SPATA13: variants seen among roughly 807,000 people sequenced by gnomAD.
SPATA13 encodes spermatogenesis associated 13, also known as spermatogenesis-associated protein 13.
Under a neutral mutation model 104.0 loss-of-function variants are expected in SPATA13, and 50 were observed. That is an observed-to-expected ratio of 0.48 (90% CI 0.38 to 0.61). The LOEUF (loss-of-function observed/expected upper bound fraction) is 0.61, where lower values mean the gene tolerates loss of function less well. Among genes scored for constraint, SPATA13 ranks in the 20% least tolerant of loss-of-function variants. The probability of loss-of-function intolerance (pLI) is 0.00; values close to 1 mark genes in which losing one functional copy is unlikely to be tolerated. For missense variants in SPATA13, 1,524 were observed against 1,690.6 expected (o/e 0.90, Z 1.73); for synonymous variants, 606 against 667.5 (o/e 0.91, Z 1.42).
At chr13:24,003,218 A>G (rs9551034) in intron 2 of SPATA13, among the ~76,000 whole-genome samples, 23,941 of 152,152 alleles carry the variant, frequency 0.16, 2,564 homozygotes, top group East Asian at 0.51. Context: ...TATAGATAGA[A>G]AGGGGAGTGC....
intron 3 of SPATA13, among the ~76,000 whole-genome samples, chr13:24,099,702 C>T (rs768343170): frequency 3.3e-5 from 5 of 152,180 alleles, no homozygotes; most frequent in Non-Finnish European, 7.3e-5. Flanking sequence ...AGAGGATGAG[C>T]GCCATGTGAT....
chr13:24,057,061 T>C (rs1043160836), intron 3 of SPATA13, among the ~76,000 whole-genome samples: 37 of 151,114 alleles, frequency 2.4e-4, no homozygotes, highest in Non-Finnish European at 5.0e-4. Flanking sequence ...CTCTTTCTTT[T>C]TTTTTTTTCT....
At chr13:24,083,045 AGAAAT>A (rs1879594060) in intron 3 of SPATA13, among the ~76,000 whole-genome samples, 1 of 152,228 alleles carries the variant, frequency 6.6e-6, no homozygotes, top group African/African-American at 2.4e-5. Context: ...ATGCTGGACT[AGAAAT>A]GATAGCCTAC....
At chr13:24,016,889 G>A (rs1041495599) in intron 2 of SPATA13, among the ~76,000 whole-genome samples, 40 of 152,340 alleles carry the variant, frequency 2.6e-4, no homozygotes, top group African/African-American at 9.6e-4. Context: ...CGCTGCCCCC[G>A]CCCAGGCTCA....
At chr13:24,072,141 C>G (rs971860559) in intron 3 of SPATA13, among the ~76,000 whole-genome samples, 2 of 152,212 alleles carry the variant, frequency 1.3e-5, no homozygotes, top group Non-Finnish European at 2.9e-5. Flanking sequence ...AAGCTGTTCT[C>G]TCTCAAAGGC....
intron 2 of SPATA13, among the ~76,000 whole-genome samples, chr13:24,249,129 C>T (rs1388625711): frequency 6.6e-6 from 1 of 152,208 alleles, no homozygotes; most frequent in African/African-American, 2.4e-5. Context: ...CTCGGCCTCC[C>T]AGAGTGCTAG....
chr13:24,178,509 T>C (rs569327558), intron 1 of SPATA13, among the ~76,000 whole-genome samples: 1 of 152,320 alleles, frequency 6.6e-6, no homozygotes, highest in Admixed American at 6.5e-5. Flanking sequence ...AGTATAGTTA[T>C]TTACAGTAGT....
At chr13:24,293,862 A>T (rs2138757561) in intron 9 of SPATA13, among the ~76,000 whole-genome samples, 1 of 152,298 alleles carries the variant, frequency 6.6e-6, no homozygotes, top group African/African-American at 2.4e-5. Flanking sequence ...TAGACAATAG[A>T]ATCTGCTTTC....
chr13:24,291,861 A>C (rs1196153359), intron 9 of SPATA13, among the ~76,000 whole-genome samples: 1 of 149,048 alleles, frequency 6.7e-6, no homozygotes, highest in Admixed American at 6.7e-5. Context: ...GGTTCACGCC[A>C]TTCTCCTGCC....
intron 3 of SPATA13, among the ~76,000 whole-genome samples, chr13:24,097,282 C>A (rs1880115601): frequency 6.6e-6 from 1 of 152,130 alleles, no homozygotes; most frequent in African/African-American, 2.4e-5. Context: ...TCTCAGTCAG[C>A]CTGTGGGCTG....
intron 1 of SPATA13, among the ~76,000 whole-genome samples, chr13:24,218,303 T>A (rs953137561): frequency 3.3e-5 from 5 of 151,718 alleles, no homozygotes; most frequent in African/African-American, 1.2e-4. Context: ...TGCAGTAGAG[T>A]CGCTTAGACC....
At chr13:24,118,896 T>TTTTTCTTTTC (rs766240064) in intron 3 of SPATA13, among the ~76,000 whole-genome samples, 131 of 143,426 alleles carry the variant, frequency 9.1e-4, no homozygotes, top group Middle Eastern at 3.5e-3. Context: ...AGACGCTACA[T>TTTTTCTTTTC]TTTTCTTTTC....
rs201000938 is a variant in SPATA13 at position 24,275,099 on chromosome 13, A to T, written c.2165-9036A>T. Among the ~76,000 whole-genome samples the T allele has an allele frequency of 3.3e-4, 50 of 152,186 alleles. No individual in the cohort carries two copies. In the East Asian group the frequency reaches 9.5e-3, roughly 29 times the overall value. On this transcript the variant is annotated intron_variant, in intron 4 of 12. Coordinates refer to ENST00000382108, the MANE Select transcript of SPATA13 (RefSeq NM_001166271.3). ...GTATTTGTAACAATCCTTCCAATTT[A>T]AAAAAATGACACCTCCTCTATGGCT...
At chr13:24,003,893 A>C (rs8000800) in intron 2 of SPATA13, among the ~76,000 whole-genome samples, 72,905 of 151,862 alleles carry the variant, frequency 0.48, 17,852 homozygotes, top group East Asian at 0.7. Context: ...AGAACCCATT[A>C]AACAAGAACC....
Position 24,088,143 on chromosome 13 carries a change from T to C in SPATA13, c.-112+70442T>C, listed in dbSNP as rs766227687. Among the ~76,000 whole-genome samples, 10 of 152,164 alleles carry C rather than the reference T, an allele frequency of 6.6e-5. No homozygotes were observed. The highest frequency in any genetic ancestry group is 1.3e-4 in the Non-Finnish European group (9 of 68,022). ...GTGGTCCTCACTCATTAAACGATGG[T>C]GGACTGTCATATGAAAACTTGGGCT... On this transcript the variant is annotated intron_variant, in intron 3 of 14. Transcript: ENST00000424834. This position sits in a 1 kb window ranked among gnomAD's most constrained non-coding sequence, Gnocchi z 4.3.
chr13:24,098,619 A>AAAAGAAAG (rs71070653), intron 3 of SPATA13, among the ~76,000 whole-genome samples: 43 of 147,204 alleles, frequency 2.9e-4, no homozygotes, highest in African/African-American at 7.9e-4. Flanking sequence ...GAAGAAGAAG[A>AAAAGAAAG]AAAGAAAGAA....
chr13:24,074,064 AT>A (rs1369394688), intron 3 of SPATA13, among the ~76,000 whole-genome samples: 1 of 152,206 alleles, frequency 6.6e-6, no homozygotes, highest in African/African-American at 2.4e-5. Context: ...GATCTTAATT[AT>A]TTTTAAGCAT....
intron 2 of SPATA13, among the ~76,000 whole-genome samples, chr13:24,001,376 G>A (rs1593267951): frequency 6.6e-6 from 1 of 152,062 alleles, no homozygotes; most frequent in East Asian, 1.9e-4. Flanking sequence ...GGAGTGTCTG[G>A]GGACACCTGC....
Position 24,224,036 on chromosome 13 carries a change from T to C in SPATA13, c.1107T>C (p.Thr369=). The C allele has an allele frequency of 6.5e-7, 1 of 1,548,726 alleles. No individual in the cohort carries two copies. The highest frequency in any genetic ancestry group is 8.7e-7 in the Non-Finnish European group (1 of 1,145,258). Reference sequence around the variant, plus strand: ...ACTCCCGCCGCGTCTCCAGGAGCACTGAGCAGGACAGCAGGCGGGGCGGGG... The same window carrying C: ...ACTCCCGCCGCGTCTCCAGGAGCACCGAGCAGGACAGCAGGCGGGGCGGGG... ...DDYSRRVSRS[T]EQDSRRGGAV... is the part of the protein sequence containing the mutation. Residue 369 remains threonine, a synonymous_variant, in exon 2 of 13, where the codon ACT becomes ACC. Coordinates refer to ENST00000382108, the MANE Select transcript of SPATA13 (RefSeq NM_001166271.3).
Sources: gnomAD v4.1 joint callset for allele counts (sites outside exome capture counted in the v4.1 genomes callset) on GRCh38, gnomAD v4.1.1 for gene constraint, Gnocchi (gnomAD v3.1) non-coding constraint, MANE v1.5 for transcripts, NCBI Gene and HGNC (gene_info 2026-07-23, HGNC 2026-07-21) for gene names.